The following VPS13A variants were observed in gnomAD, a reference collection of about 807,000 sequenced individuals.
VPS13A encodes the protein intermembrane lipid transfer protein VPS13A.
A neutral mutation model predicts 390.9 loss-of-function variants in VPS13A; 264 were observed. The observed-to-expected ratio is 0.68, with a 90% CI of 0.61 to 0.75. The LOEUF (loss-of-function observed/expected upper bound fraction) is 0.75, where lower values mean the gene tolerates loss of function less well. Ranked by LOEUF, VPS13A falls within the 30% of genes least tolerant of loss-of-function variation. VPS13A has a pLI of 0.00. For missense variants in VPS13A, 3,409 were observed against 3,733.9 expected, an observed-to-expected ratio of 0.91 and a Z score of 2.27; for synonymous variants, 1,231 against 1,227.1, an observed-to-expected ratio of 1.00 and a Z score of -0.07.
intron 31 of VPS13A, among the ~76,000 whole-genome samples, chr9:77,289,314 A>C (rs544385884): frequency 6.6e-6 from 1 of 152,244 alleles, no homozygotes; most frequent in East Asian, 1.9e-4. Flanking sequence ...ATTTGTGTTT[A>C]GACTATTTTA....
At chr9:77,205,831 T>C in intron 4 of VPS13A, 147 bp from the exon 5 acceptor site, 1 of 539,480 alleles carries the variant, frequency 1.9e-6, no homozygotes. Flanking sequence ...ACCTCATGAT[T>C]CGCCCAGCTT....
chr9:77,364,380 G>A (rs190476847), intron 59 of VPS13A, among the ~76,000 whole-genome samples: 87 of 152,138 alleles, frequency 5.7e-4, no homozygotes, highest in Admixed American at 4.1e-3. Flanking sequence ...AGCCGAGATC[G>A]CGCCACTGCA....
intron 62 of VPS13A, among the ~76,000 whole-genome samples, chr9:77,368,491 T>A (rs73654023): frequency 0.013 from 1,916 of 152,262 alleles, 41 homozygotes; most frequent in African/African-American, 0.044. Flanking sequence ...TGTAACTAGT[T>A]GTTAAGTCAG....
At position 77,353,570 on chromosome 9, in the gene VPS13A, A is replaced by G. The variant is rs2131546548; in HGVS notation, c.7581A>G (p.Ala2527=). ...TAGCAGAGCAAGAAATTGCAGTGGC[A>G]TTACAAGATGTTGGAATTTCTCTTG... ...AELAEQEIAV[A]LQDVGISLVN... is the part of the protein sequence containing the mutation. The change falls in exon 54 of 72, where the codon GCA becomes GCG. Residue 2527 remains alanine, a synonymous_variant. Transcript: ENST00000360280. 6.2e-7 allele frequency: 1 copy of G among 1,613,594 alleles called. No homozygotes were observed. Among genetic ancestry groups the G allele is most frequent in the Non-Finnish European group, 8.5e-7 (1 of 1,179,650 alleles).
At chr9:77,302,827 C>A in intron 33 of VPS13A, 88 bp from the exon 34 acceptor site, 1 of 1,335,810 alleles carries the variant, frequency 7.5e-7, no homozygotes, top group Non-Finnish European at 1.1e-6. Context: ...CTGCTATTTG[C>A]ATATAAAAGG....
rs759172543 is a variant in VPS13A, at chr9:77,337,250, T to G, written c.6096-5T>G. 6.2e-7 allele frequency: 1 copy of G among 1,609,988 alleles called. No individual in the cohort carries two copies. The highest frequency in any genetic ancestry group is 1.1e-5 in the South Asian group (1 of 90,794). ...TTTTAAACTGTATCATTTAATCTCA[T>G]GCAGATCATTCATTTTTCTGAAGCC... On this transcript the variant is annotated splice_polypyrimidine_tract_variant and splice_region_variant and intron_variant, in intron 46 of 71. Transcript: ENST00000360280.
chr9:77,247,840 T>C (rs991996419), intron 20 of VPS13A, among the ~76,000 whole-genome samples: 2 of 152,192 alleles, frequency 1.3e-5, no homozygotes. Flanking sequence ...TTTGTATTTT[T>C]AGTAGAGACG....
chr9:77,401,039 G>A (rs752738308), intron 68 of VPS13A, among the ~76,000 whole-genome samples: 9 of 151,936 alleles, frequency 5.9e-5, no homozygotes, highest in Admixed American at 4.6e-4. Context: ...ATAAATTTCC[G>A]TAATTGGATA....
In VPS13A at chr9:77,178,343, T is replaced by TG. The variant is rs373580932; in HGVS notation, c.100+541dup. On this transcript the variant is annotated intron_variant, in intron 1 of 71. Coordinates refer to ENST00000360280, the MANE Select transcript of VPS13A (RefSeq NM_033305.3). Reference sequence around the variant, plus strand: ...CAGCCTCAATTCCTGGCTTCACCCGTGGTGCTTTCTGCTCTCCCCCTTCCG... The same window carrying TG: ...CAGCCTCAATTCCTGGCTTCACCCGTGGGTGCTTTCTGCTCTCCCCCTTCCG... Among the ~76,000 whole-genome samples, 941 of 152,322 alleles carry TG rather than the reference T, an allele frequency of 6.2e-3. 10 individuals are homozygous for TG. The highest frequency in any genetic ancestry group is 0.022 in the African/African-American group (907 of 41,566).
chr9:77,365,773 G>A (rs749770409), intron 60 of VPS13A, among the ~76,000 whole-genome samples, 200 bp downstream of exon 60: 11 of 151,874 alleles, frequency 7.2e-5, no homozygotes, highest in Non-Finnish European at 1.3e-4. Context: ...ATGTATTTAT[G>A]TTTATAATTT....
At chr9:77,218,000 A>G (rs2131169373) in intron 10 of VPS13A, among the ~76,000 whole-genome samples, 1 of 152,032 alleles carries the variant, frequency 6.6e-6, no homozygotes, top group South Asian at 2.1e-4. Context: ...TAAAAAAGAC[A>G]TTATAGTTTT....
chr9:77,372,434 AC>A (rs1832826173), intron 67 of VPS13A, among the ~76,000 whole-genome samples: 1 of 151,838 alleles, frequency 6.6e-6, no homozygotes. Flanking sequence ...AAATTCAACA[AC>A]CCTTCATGCT....
chr9:77,291,082 G>T lies in VPS13A; in HGVS notation c.3340-2259G>T, dbSNP rs142887163. Among the ~76,000 whole-genome samples, 872 of 152,250 alleles carry T rather than the reference G, an allele frequency of 5.7e-3. 11 individuals are homozygous for T. The highest frequency in any genetic ancestry group is 0.02 in the African/African-American group (841 of 41,542). On this transcript the variant is annotated intron_variant, in intron 31 of 71. Coordinates refer to ENST00000360280, the MANE Select transcript of VPS13A (RefSeq NM_033305.3). ...ACGGTACCGGTCTGTGACCTGTTAG[G>T]AACTGGGCCGGACAGCAGGAGTTGA...
intron 15 of VPS13A, among the ~76,000 whole-genome samples, chr9:77,226,824 G>A (rs1054494331): frequency 6.6e-5 from 10 of 152,084 alleles, no homozygotes; most frequent in Admixed American, 3.3e-4. Flanking sequence ...TATGCCCAGA[G>A]ATTTAGTGAA....
intron 17 of VPS13A, among the ~76,000 whole-genome samples, chr9:77,235,075 T>C (rs1384158138): frequency 6.6e-6 from 1 of 152,184 alleles, no homozygotes. Flanking sequence ...AAAAGAGGAG[T>C]TAAAAACCAA....
At chr9:77,204,811 T>C (rs1056656039) in intron 3 of VPS13A, among the ~76,000 whole-genome samples, 2 of 152,092 alleles carry the variant, frequency 1.3e-5, no homozygotes, top group African/African-American at 2.4e-5. Context: ...TTTTTATTCA[T>C]AGAGACAGGG....
In VPS13A at chr9:77,403,338, C is replaced by G; in HGVS notation, c.9275+17C>G. On this transcript the variant is annotated intron_variant, in intron 69 of 71. Coordinates refer to ENST00000360280, the MANE Select transcript of VPS13A (RefSeq NM_033305.3). ...AACCAGACGGTAACTTGCTTTCTTTCTCTTACGTAATTTTATAAGGGGTTA... is the reference window on the plus strand; with the variant it reads ...AACCAGACGGTAACTTGCTTTCTTTGTCTTACGTAATTTTATAAGGGGTTA... 6.3e-7 allele frequency: 1 copy of G among 1,596,526 alleles called. No homozygotes were observed. Among genetic ancestry groups the G allele is most frequent in the Non-Finnish European group, 8.6e-7 (1 of 1,167,588 alleles).
In VPS13A at chr9:77,321,746, A is replaced by G; in HGVS notation, c.5830A>G (p.Thr1944Ala). 1 of 1,613,118 alleles carries G rather than the reference A, an allele frequency of 6.2e-7. No homozygotes were observed. Among genetic ancestry groups the G allele is most frequent in the Non-Finnish European group, 8.5e-7 (1 of 1,179,396 alleles). ...LSSKLFFILL[T>A]PVNHSTADKI... is the part of the protein sequence containing the mutation. The stretch of plus-strand genomic sequence containing the variant: ...CAGCAAACTCTTCTTCATTCTTCTT[A>G]GTAAGTAGTTGAAAAATTACCTTCC... Residue 1944 changes from threonine to alanine, a missense_variant and splice_region_variant, in exon 44 of 72, where the codon ACA (threonine) becomes GCA (alanine). Thr to Ala is a moderately conservative substitution (Grantham distance 58). Around this residue, in one of 5 missense-constraint regions of VPS13A, gnomAD observed 2,717 missense variants for 2,917.4 expected, o/e 0.93. Transcript: ENST00000360280.
chr9:77,275,274 A>G (rs750102443), intron 24 of VPS13A, among the ~76,000 whole-genome samples: 1 of 152,160 alleles, frequency 6.6e-6, no homozygotes. Flanking sequence ...ATGCTTCTTT[A>G]TAACCAAGAA....
Sources: allele counts gnomAD v4.1 joint callset (sites outside exome capture counted in the v4.1 genomes callset), GRCh38; gene constraint gnomAD v4.1.1; regional missense constraint gnomAD v4.1.1; transcripts MANE v1.5; gene names NCBI Gene and HGNC (gene_info 2026-07-23, HGNC 2026-07-21).